Variants in FRMPD4 observed in about 807,000 individuals in gnomAD.
FRMPD4 encodes the protein FERM and PDZ domain containing 4, also known as FERM and PDZ domain-containing protein 4.
In FRMPD4, 22 loss-of-function variants were observed where a neutral mutation model predicts 94.1. The ratio of observed to expected loss-of-function variants is 0.23; its 90% CI spans 0.17 to 0.33. The LOEUF (loss-of-function observed/expected upper bound fraction) is 0.33, where lower values mean the gene tolerates loss of function less well. FRMPD4 is among the 10% of genes least tolerant of loss of function. FRMPD4 has a pLI of 1.00. For synonymous variants in FRMPD4, 631 were observed against 548.6 expected, an observed-to-expected ratio of 1.15 and a Z score of -2.10; for missense variants, 1,111 against 1,339.9, an observed-to-expected ratio of 0.83 and a Z score of 2.67.
At position 12,718,264 on chromosome X, in the gene FRMPD4, A is replaced by C. The variant is rs139151624; in HGVS notation, c.3438A>C (p.Gln1146His). The change falls in exon 16 of 17, where the codon CAA becomes CAC. Residue 1146 changes from glutamine (Q) to histidine (H), a missense_variant. Coordinates refer to ENST00000675598, the MANE Select transcript of FRMPD4 (RefSeq NM_001368397.1). ...CCAGTGATGGCTCAGGACTTGGTCA[A>C]GGGGACCGCTTCTTAACTGACGTGA... ...GETSDGSGLG[Q>H]GDRFLTDVTC... The C allele has an allele frequency of 4.4e-4, 535 of 1,210,191 alleles. No individual in the cohort carries two copies. Among genetic ancestry groups the C allele is most frequent in the Non-Finnish European group, 4.6e-4 (416 of 895,063 alleles).
intron 3 of FRMPD4, among the ~76,000 whole-genome samples, chrX:12,015,677 G>C (rs184418405): frequency 8.9e-6 from 1 of 112,405 alleles, no homozygotes; most frequent in Admixed American, 9.4e-5. Flanking sequence ...TAAGATGTAG[G>C]TAAAATACAT....
At chrX:11,896,854 C>T (rs766665441) in intron 3 of FRMPD4, among the ~76,000 whole-genome samples, 5 of 111,445 alleles carry the variant, frequency 4.5e-5, no homozygotes, top group African/African-American at 6.5e-5. Context: ...CCCTGGACAT[C>T]TGATTAAAAT....
chrX:12,098,560 A>G (rs1320335335), intron 3 of FRMPD4, among the ~76,000 whole-genome samples: 3 of 112,423 alleles, frequency 2.7e-5, no homozygotes, highest in African/African-American at 9.7e-5. Context: ...GGGACTGAAT[A>G]ATCCAAAACT....
At chrX:11,855,598 T>C (rs1242162506) in intron 1 of FRMPD4, among the ~76,000 whole-genome samples, 2 of 112,120 alleles carry the variant, frequency 1.8e-5, no homozygotes, top group Non-Finnish European at 3.8e-5. Context: ...GCCATTAGTA[T>C]CTTTGAATAG....
intron 3 of FRMPD4, among the ~76,000 whole-genome samples, chrX:11,969,357 T>G (rs1038112543): frequency 8.0e-5 from 9 of 112,445 alleles, no homozygotes; most frequent in African/African-American, 2.3e-4. Flanking sequence ...AATTCTGCTG[T>G]GGAGGAGTGT....
At chrX:12,426,303 G>A (rs955935411) in intron 1 of FRMPD4, among the ~76,000 whole-genome samples, 1 of 111,034 alleles carries the variant, frequency 9.0e-6, no homozygotes, top group Non-Finnish European at 1.9e-5. Flanking sequence ...GAAGATGGTT[G>A]ATCTCTGCAC....
chrX:12,115,980 C>T (rs1162298273), intron 3 of FRMPD4, among the ~76,000 whole-genome samples: 4 of 112,120 alleles, frequency 3.6e-5, no homozygotes, highest in East Asian at 5.6e-4. Flanking sequence ...ACTAACATCC[C>T]GATTATACAG....
At chrX:12,068,400 C>CT (rs1009423207) in intron 3 of FRMPD4, among the ~76,000 whole-genome samples, 5 of 111,755 alleles carry the variant, frequency 4.5e-5, no homozygotes, top group African/African-American at 1.6e-4. Flanking sequence ...ATGAAAGCTA[C>CT]TTTTCTCTGA....
At chrX:11,935,002 T>C (rs1225621399) in intron 3 of FRMPD4, among the ~76,000 whole-genome samples, 3 of 108,811 alleles carry the variant, frequency 2.8e-5, no homozygotes, top group African/African-American at 1.0e-4. Flanking sequence ...TCGAGGTCTT[T>C]CATATACACC....
chrX:11,831,912 T>G, intron 1 of FRMPD4, among the ~76,000 whole-genome samples: 1 of 112,316 alleles, frequency 8.9e-6, no homozygotes, highest in East Asian at 2.8e-4. Flanking sequence ...TGCAAACAGT[T>G]TAAAAGAACC....
chrX:12,278,368 T>G (rs1252312405), intron 1 of FRMPD4, among the ~76,000 whole-genome samples: 1 of 111,961 alleles, frequency 8.9e-6, no homozygotes, highest in Non-Finnish European at 1.9e-5. Flanking sequence ...TCTCTGAATA[T>G]ATTCTTTTCC....
chrX:12,262,043 A>C (rs2054196502), intron 1 of FRMPD4, among the ~76,000 whole-genome samples: 1 of 111,541 alleles, frequency 9.0e-6, no homozygotes, highest in Admixed American at 9.5e-5. Flanking sequence ...TTGTTTCCAG[A>C]AGCATCTTAA....
chrX:12,314,434 G>C (rs1487847082), intron 1 of FRMPD4, among the ~76,000 whole-genome samples: 1 of 110,859 alleles, frequency 9.0e-6, no homozygotes, highest in Non-Finnish European at 1.9e-5. Flanking sequence ...CCCAGAGCTG[G>C]AACTGACTTA....
chrX:12,672,727 C>T lies in FRMPD4; in HGVS notation c.423-2136C>T, dbSNP rs1297336227. On this transcript the variant is annotated intron_variant, in intron 4 of 16. Coordinates refer to ENST00000675598, the MANE Select transcript of FRMPD4 (RefSeq NM_001368397.1). ...CTTAGCACCCTGTAACATATGAACA[C>T]ATATGGCTTCCATCTTTTTTTCCAC... 2.7e-5 allele frequency among the ~76,000 whole-genome samples: 3 copies of T among 111,884 alleles called. No homozygotes were observed. In the Admixed American group the frequency reaches 2.8e-4, roughly 11 times the overall value.
At chrX:11,955,670 A>G (rs1349859857) in intron 3 of FRMPD4, among the ~76,000 whole-genome samples, 1 of 105,718 alleles carries the variant, frequency 9.5e-6, no homozygotes, top group Non-Finnish European at 1.9e-5. Flanking sequence ...TGAACCCAGG[A>G]GGCAGAGCTT....
intron 3 of FRMPD4, among the ~76,000 whole-genome samples, chrX:11,992,782 G>A (rs6654947): frequency 0.087 from 9,585 of 109,825 alleles, 351 homozygotes; most frequent in East Asian, 0.24. Flanking sequence ...CAGCATGGTG[G>A]CCTCTTTGTG....
At chrX:12,302,134 G>A (rs1379726783) in intron 1 of FRMPD4, among the ~76,000 whole-genome samples, 1 of 111,895 alleles carries the variant, frequency 8.9e-6, no homozygotes, top group African/African-American at 3.2e-5. Flanking sequence ...GGCTTCTGGC[G>A]GGAGAAGGTC....
At chrX:12,099,800 G>A (rs1171634088) in intron 3 of FRMPD4, among the ~76,000 whole-genome samples, 1 of 112,483 alleles carries the variant, frequency 8.9e-6, no homozygotes, top group Non-Finnish European at 1.9e-5. Context: ...AAGAACATGA[G>A]CTCTGAAACA....
intron 3 of FRMPD4, among the ~76,000 whole-genome samples, chrX:11,973,829 CA>C (rs2054353393): frequency 9.0e-6 from 1 of 111,494 alleles, no homozygotes; most frequent in African/African-American, 3.3e-5. Flanking sequence ...AGAAATCTCA[CA>C]AAATGTAAGG....
Sources: gnomAD v4.1 joint callset for allele counts (sites outside exome capture counted in the v4.1 genomes callset) on GRCh38, gnomAD v4.1.1 for gene constraint, MANE v1.5 for transcripts, NCBI Gene and HGNC (gene_info 2026-07-23, HGNC 2026-07-21) for gene names.